The following PTPRG variants were observed in gnomAD, a reference collection of about 807,000 sequenced individuals.
PTPRG encodes receptor-type tyrosine-protein phosphatase gamma.
Under a neutral mutation model 165.3 loss-of-function variants are expected in PTPRG, and 102 were observed. The observed-to-expected ratio is 0.62, with a 90% CI of 0.53 to 0.73. PTPRG has a LOEUF of 0.73. PTPRG is among the 30% of genes least tolerant of loss of function. The pLI, the probability that PTPRG is intolerant of heterozygous loss-of-function variation, is 0.00. For synonymous variants in PTPRG, 675 were observed against 669.5 expected, an observed-to-expected ratio of 1.01 and a Z score of -0.13; for missense variants, 1,866 against 1,861.4, an observed-to-expected ratio of 1.00 and a Z score of -0.05.
intron 2 of PTPRG, among the ~76,000 whole-genome samples, chr3:61,830,636 G>T (rs187412995): frequency 7.4e-6 from 1 of 135,846 alleles, no homozygotes. Context: ...GTGCAATGCC[G>T]TGATCTCGGT....
chr3:61,818,844 G>A (rs988429063), intron 2 of PTPRG, among the ~76,000 whole-genome samples: 4 of 88,096 alleles, frequency 4.5e-5, no homozygotes, highest in Non-Finnish European at 6.3e-5. Context: ...GTGAAATAGT[G>A]AATAGTGAAA....
chr3:62,022,629 C>G (rs1000304755), intron 4 of PTPRG, among the ~76,000 whole-genome samples: 9 of 152,100 alleles, frequency 5.9e-5, no homozygotes, highest in Non-Finnish European at 1.3e-4. Flanking sequence ...GGATGGAACC[C>G]TGGTTTTTGG....
intron 1 of PTPRG, among the ~76,000 whole-genome samples, chr3:61,613,433 TAAAG>T (rs1559524498): frequency 6.6e-6 from 1 of 152,208 alleles, no homozygotes; most frequent in African/African-American, 2.4e-5. Flanking sequence ...CTGTCACAAT[TAAAG>T]AAAGACATGC....
intron 1 of PTPRG, among the ~76,000 whole-genome samples, chr3:61,582,578 C>T (rs935684703): frequency 6.6e-6 from 1 of 152,144 alleles, no homozygotes; most frequent in East Asian, 1.9e-4. Flanking sequence ...TTCATGTTAA[C>T]TTTAACCATG....
intron 1 of PTPRG, among the ~76,000 whole-genome samples, chr3:61,596,257 A>G (rs1218626326): frequency 6.6e-6 from 1 of 152,220 alleles, no homozygotes; most frequent in Non-Finnish European, 1.5e-5. Context: ...CATTGTAAGA[A>G]GACAGTGGAT....
At chr3:61,961,764 G>A (rs576181881) in intron 2 of PTPRG, among the ~76,000 whole-genome samples, 74 of 152,278 alleles carry the variant, frequency 4.9e-4, no homozygotes, top group African/African-American at 1.7e-3. Flanking sequence ...GGGACTAACA[G>A]CATCAGCATC....
Position 62,292,494 on chromosome 3 carries a change from G to A in PTPRG, c.4129G>A (p.Val1377Met), listed in dbSNP as rs1036215311. ...CCAGCAACTGGAGAATGAAAATGCT[G>A]TGGATGTTTTCCAGGTTGCAAAAAT... Reference protein sequence around the residue: ...LSQQLENENAVDVFQVAKMIN... With the variant: ...LSQQLENENAMDVFQVAKMIN... The change falls in exon 29 of 30, where the codon GTG becomes ATG. Residue 1377 changes from valine to methionine, a missense_variant. Transcript: ENST00000474889. 6.2e-7 allele frequency: 1 copy of A among 1,613,684 alleles called. No homozygotes were observed. The highest frequency in any genetic ancestry group is 1.3e-5 in the African/African-American group (1 of 74,962).
chr3:61,809,899 C>T (rs1288908299), intron 2 of PTPRG, among the ~76,000 whole-genome samples: 8 of 152,148 alleles, frequency 5.3e-5, no homozygotes, highest in African/African-American at 4.8e-5. Flanking sequence ...GAACAGTTTT[C>T]CCCCAGCTCC....
At chr3:61,711,013 C>T (rs2031524299) in intron 1 of PTPRG, among the ~76,000 whole-genome samples, 1 of 151,960 alleles carries the variant, frequency 6.6e-6, no homozygotes, top group South Asian at 2.1e-4. Flanking sequence ...TGACTCAGAA[C>T]ATGCAGTGTT....
intron 1 of PTPRG, among the ~76,000 whole-genome samples, chr3:61,613,193 A>G (rs1374908211): frequency 3.9e-5 from 6 of 152,190 alleles, no homozygotes; most frequent in Non-Finnish European, 5.9e-5. Context: ...GGCTTTTTCT[A>G]TTTTTAAGAG....
At chr3:61,866,827 G>C (rs1559657232) in intron 2 of PTPRG, among the ~76,000 whole-genome samples, 1 of 152,040 alleles carries the variant, frequency 6.6e-6, no homozygotes, top group Non-Finnish European at 1.5e-5. Flanking sequence ...TCGATCTCTT[G>C]AACTCGTGAT....
chr3:61,872,182 T>A (rs2037603500), intron 2 of PTPRG, among the ~76,000 whole-genome samples: 1 of 152,206 alleles, frequency 6.6e-6, no homozygotes, highest in Non-Finnish European at 1.5e-5. Context: ...GGATAGCTTC[T>A]CTACTACAGC....
intron 2 of PTPRG, among the ~76,000 whole-genome samples, chr3:61,757,968 T>C (rs2033688713): frequency 6.6e-6 from 1 of 152,190 alleles, no homozygotes; most frequent in South Asian, 2.1e-4. Context: ...GCTCTGTGAT[T>C]TACTTAAGGG....
intron 2 of PTPRG, among the ~76,000 whole-genome samples, chr3:61,764,017 A>T (rs1201112464): frequency 1.3e-5 from 2 of 152,284 alleles, no homozygotes; most frequent in Middle Eastern, 6.8e-3. Flanking sequence ...AAACATTTCC[A>T]TCCTTGTAGG....
At chr3:61,584,778 C>T (rs1437014886) in intron 1 of PTPRG, among the ~76,000 whole-genome samples, 2 of 152,106 alleles carry the variant, frequency 1.3e-5, no homozygotes, top group African/African-American at 4.8e-5. Flanking sequence ...GTCCAGCCCT[C>T]ACACGGAATC....
intron 1 of PTPRG, among the ~76,000 whole-genome samples, chr3:61,689,889 G>A (rs991572788): frequency 1.5e-4 from 23 of 152,122 alleles, no homozygotes; most frequent in African/African-American, 4.3e-4. Context: ...CCTACTAGAC[G>A]CATTTTGGAA....
intron 1 of PTPRG, among the ~76,000 whole-genome samples, chr3:61,588,818 A>C (rs1401046361): frequency 1.3e-5 from 2 of 152,218 alleles, no homozygotes; most frequent in Non-Finnish European, 2.9e-5. Flanking sequence ...TCATATATGC[A>C]TCCGTGTATA....
At chr3:62,136,981 A>C (rs1703732019) in intron 6 of PTPRG, among the ~76,000 whole-genome samples, 1 of 152,204 alleles carries the variant, frequency 6.6e-6, no homozygotes, top group Non-Finnish European at 1.5e-5. Flanking sequence ...GCTGTGTCTT[A>C]CATGTTCATT....
chr3:61,686,024 C>T (rs561589523), intron 1 of PTPRG, among the ~76,000 whole-genome samples: 71 of 152,306 alleles, frequency 4.7e-4, no homozygotes, highest in African/African-American at 1.7e-3. Context: ...TGCAAAGCAT[C>T]TGCCAGGACC....
Sources: allele counts gnomAD v4.1 joint callset (sites outside exome capture counted in the v4.1 genomes callset), GRCh38; gene constraint gnomAD v4.1.1; transcripts MANE v1.5; gene names NCBI Gene and HGNC (gene_info 2026-07-23, HGNC 2026-07-21).